Variants in NKAIN3 observed in about 807,000 individuals in gnomAD.
The protein encoded by NKAIN3 is sodium/potassium transporting ATPase interacting 3, also known as sodium/potassium-transporting ATPase subunit beta-1-interacting protein 3.
Under a neutral mutation model 30.2 loss-of-function variants are expected in NKAIN3, and 25 were observed. The ratio of observed to expected loss-of-function variants is 0.83; its 90% CI spans 0.60 to 1.16. The LOEUF (loss-of-function observed/expected upper bound fraction) is 1.16. Among genes scored for constraint, NKAIN3 ranks in the 50% most tolerant of loss-of-function variants. The pLI is 0.00. For synonymous variants in NKAIN3, 91 were observed against 89.6 expected (o/e 1.02, Z -0.09); for missense variants, 225 against 254.1 (o/e 0.89, Z 0.78).
At chr8:62,318,603 G>T (rs1814747683) in intron 1 of NKAIN3, among the ~76,000 whole-genome samples, 1 of 149,456 alleles carries the variant, frequency 6.7e-6, no homozygotes, top group Admixed American at 6.6e-5. Context: ...TGTGGTTTTT[G>T]TCATTGGTTC....
intron 1 of NKAIN3, among the ~76,000 whole-genome samples, chr8:62,394,306 A>G (rs1038591358): frequency 6.6e-6 from 1 of 152,098 alleles, no homozygotes; most frequent in Non-Finnish European, 1.5e-5. Flanking sequence ...TCCTCTACTA[A>G]GATAATCTTA....
At chr8:62,860,836 A>G (rs1329755892) in intron 4 of NKAIN3, among the ~76,000 whole-genome samples, 1 of 152,242 alleles carries the variant, frequency 6.6e-6, no homozygotes, top group Non-Finnish European at 1.5e-5. Flanking sequence ...CCTCCAGACC[A>G]TATATCCTAG....
chr8:62,424,450 C>CA (rs5891855), intron 1 of NKAIN3, among the ~76,000 whole-genome samples: 26 of 151,436 alleles, frequency 1.7e-4, no homozygotes, highest in East Asian at 3.9e-4. Flanking sequence ...AACTCAATAG[C>CA]AAAAAAAACA....
At chr8:62,962,603 C>T (rs530412518) in intron 6 of NKAIN3, among the ~76,000 whole-genome samples, 1 of 152,174 alleles carries the variant, frequency 6.6e-6, no homozygotes, top group African/African-American at 2.4e-5. Flanking sequence ...GCATTGTTGG[C>T]CTGTACCGCC....
intron 1 of NKAIN3, among the ~76,000 whole-genome samples, chr8:62,260,195 G>T (rs146172660): frequency 1.3e-5 from 2 of 151,924 alleles, no homozygotes; most frequent in East Asian, 3.9e-4. Context: ...TAATAATTTG[G>T]TATTGATTAA....
At chr8:62,335,432 C>CAAAAAAA (rs5891845) in intron 1 of NKAIN3, among the ~76,000 whole-genome samples, 5 of 82,170 alleles carry the variant, frequency 6.1e-5, no homozygotes, top group Admixed American at 1.3e-4. Flanking sequence ...GACTCTGTCT[C>CAAAAAAA]AAAAAAAAAA....
At chr8:62,276,684 G>T (rs908578497) in intron 1 of NKAIN3, among the ~76,000 whole-genome samples, 4 of 152,168 alleles carry the variant, frequency 2.6e-5, no homozygotes, top group Non-Finnish European at 5.9e-5. Context: ...ATAGAAAAAA[G>T]TAATGTTCAA....
At chr8:62,539,295 G>A (rs1313359134) in intron 1 of NKAIN3, among the ~76,000 whole-genome samples, 1 of 152,186 alleles carries the variant, frequency 6.6e-6, no homozygotes, top group African/African-American at 2.4e-5. Flanking sequence ...TAAGGGGAAA[G>A]TTATCAGAAT....
chr8:62,498,576 A>G (rs1807315280), intron 1 of NKAIN3, among the ~76,000 whole-genome samples: 2 of 151,994 alleles, frequency 1.3e-5, no homozygotes. Context: ...TTGCTTTGCC[A>G]AGTTCAAAGT....
chr8:62,584,403 G>A (rs1332544855), intron 2 of NKAIN3, among the ~76,000 whole-genome samples: 1 of 152,160 alleles, frequency 6.6e-6, no homozygotes, highest in African/African-American at 2.4e-5. Context: ...ACAAGAGACA[G>A]GGTTCATCAC....
chr8:62,585,002 C>T (rs1355712756), intron 2 of NKAIN3, among the ~76,000 whole-genome samples: 1 of 152,116 alleles, frequency 6.6e-6, no homozygotes, highest in Non-Finnish European at 1.5e-5. Flanking sequence ...ATTGGGCAAA[C>T]AATAAATAAA....
intron 4 of NKAIN3, among the ~76,000 whole-genome samples, chr8:62,917,160 C>G (rs1822133813): frequency 6.6e-6 from 1 of 152,102 alleles, no homozygotes; most frequent in Non-Finnish European, 1.5e-5. Context: ...ACACACACAT[C>G]CTGCCCTGCC....
At chr8:62,910,754 A>AT (rs11343811) in intron 4 of NKAIN3, among the ~76,000 whole-genome samples, 46,607 of 149,144 alleles carry the variant, frequency 0.31, 8,196 homozygotes, top group Non-Finnish European at 0.42. Flanking sequence ...TCGGGACAGG[A>AT]TTTTTTTTTT....
chr8:62,435,269 T>C (rs2129597834), intron 1 of NKAIN3, among the ~76,000 whole-genome samples: 2 of 152,192 alleles, frequency 1.3e-5, no homozygotes, highest in Middle Eastern at 3.4e-3. Context: ...CACTTCCTCC[T>C]GGGGGCCTAA....
chr8:62,398,527 T>C lies in NKAIN3; in HGVS notation c.54+149400T>C, dbSNP rs1204933478. On this transcript the variant is annotated intron_variant, in intron 1 of 6. Coordinates refer to ENST00000623646, the MANE Select transcript of NKAIN3 (RefSeq NM_001304533.3). ...TAAGCTGTTGAATCTCTAGTATCAA[T>C]GGTATGGCATGACTGAAAGTACATG... 2.0e-5 allele frequency among the ~76,000 whole-genome samples: 3 copies of C among 152,304 alleles called. No homozygotes were observed. In the East Asian group the frequency reaches 5.8e-4, roughly 29 times the overall value.
intron 1 of NKAIN3, among the ~76,000 whole-genome samples, chr8:62,340,960 G>A (rs994624159): frequency 6.6e-6 from 1 of 151,990 alleles, no homozygotes; most frequent in Admixed American, 6.6e-5. Context: ...AAACAACACC[G>A]ATTAATAGTT....
chr8:62,905,634 A>G (rs1821751699), intron 4 of NKAIN3, among the ~76,000 whole-genome samples: 1 of 152,144 alleles, frequency 6.6e-6, no homozygotes, highest in African/African-American at 2.4e-5. Context: ...CAAAATGACC[A>G]TAATTAAGAC....
intron 4 of NKAIN3, among the ~76,000 whole-genome samples, chr8:62,781,331 A>G (rs914601277): frequency 3.9e-5 from 6 of 152,042 alleles, no homozygotes; most frequent in African/African-American, 1.2e-4. Context: ...GGAAGAATTT[A>G]TATCATTAAT....
intron 3 of NKAIN3, among the ~76,000 whole-genome samples, chr8:62,632,100 C>T (rs1450760662): frequency 6.6e-6 from 1 of 152,140 alleles, no homozygotes; most frequent in African/African-American, 2.4e-5. Flanking sequence ...TGATGCTTCC[C>T]TTCATGTGGT....
Sources: gnomAD v4.1 joint callset for allele counts (sites outside exome capture counted in the v4.1 genomes callset) on GRCh38, gnomAD v4.1.1 for gene constraint, MANE v1.5 for transcripts, NCBI Gene and HGNC (gene_info 2026-07-23, HGNC 2026-07-21) for gene names.